Variants in AHDC1 observed in about 807,000 individuals in gnomAD.
AHDC1 encodes the protein transcription factor Gibbin.
A neutral mutation model predicts 87.9 loss-of-function variants in AHDC1; 7 were observed. The ratio of observed to expected loss-of-function variants is 0.08; its 90% confidence interval spans 0.05 to 0.15. The LOEUF (loss-of-function observed/expected upper bound fraction) is 0.15, where lower values mean the gene tolerates loss of function less well. AHDC1 is among the 10% of genes least tolerant of loss of function. The pLI is 1.00. For missense variants in AHDC1, 1,841 were observed against 2,253.2 expected (o/e 0.82, Z 3.70); for synonymous variants, 1,051 against 1,006.8 (o/e 1.04, Z -0.83).
chr1:27,601,602 T>G (rs966744717), intron 3 of AHDC1, among the ~76,000 whole-genome samples: 3 of 152,254 alleles, frequency 2.0e-5, no homozygotes, highest in Admixed American at 6.5e-5. Context: ...CTATCCAGTT[T>G]GATTTTCCAT....
In AHDC1 at chr1:27,546,115, G is replaced by A. The variant is rs112990470; in HGVS notation, c.*43+1146C>T. Among the ~76,000 whole-genome samples, 6 of 152,312 alleles carry A rather than the reference G, an allele frequency of 3.9e-5. 1 individual carries two copies. The highest frequency in any genetic ancestry group is 1.4e-4 in the African/African-American group (6 of 41,566). ...ACTCCTCCAGGAAGAGAAACTCCCA[G>A]GAAGCTTCAGTGGCAGCAGAGGTGA... is the stretch of plus-strand genomic sequence containing the variant. On this transcript the variant is annotated intron_variant, in intron 8 of 8. Coordinates refer to ENST00000673934, the MANE Select transcript of AHDC1 (RefSeq NM_001371928.1).
chr1:27,566,099 G>A (rs1417065083), intron 3 of AHDC1, among the ~76,000 whole-genome samples: 1 of 152,190 alleles, frequency 6.6e-6, no homozygotes, highest in Non-Finnish European at 1.5e-5. Flanking sequence ...AACCTGGTAG[G>A]AAATAGAGTA....
chr1:27,545,235 A>C (rs773724119), intron 8 of AHDC1, among the ~76,000 whole-genome samples: 1 of 151,932 alleles, frequency 6.6e-6, no homozygotes, highest in Non-Finnish European at 1.5e-5. Context: ...TCTAAATGGG[A>C]AGCCCCCTGA....
intron 3 of AHDC1, among the ~76,000 whole-genome samples, chr1:27,567,077 T>C (rs1342499443): frequency 3.3e-5 from 5 of 152,004 alleles, no homozygotes; most frequent in Non-Finnish European, 7.4e-5. Context: ...GGTGCACTGC[T>C]CTCCAGGCCG....
intron 3 of AHDC1, among the ~76,000 whole-genome samples, chr1:27,587,877 C>T (rs1306682754): frequency 2.6e-5 from 4 of 152,112 alleles, no homozygotes; most frequent in African/African-American, 4.8e-5. Context: ...GAACTGGAAC[C>T]CCACTGATCC....
intron 3 of AHDC1, among the ~76,000 whole-genome samples, chr1:27,575,603 C>T (rs1046544813): frequency 2.4e-4 from 37 of 151,542 alleles, no homozygotes; most frequent in Non-Finnish European, 3.5e-4. Flanking sequence ...CCATCATCCC[C>T]GCGCAGCGCG....
intron 3 of AHDC1, among the ~76,000 whole-genome samples, chr1:27,567,375 C>T (rs942446442): frequency 6.6e-6 from 1 of 151,954 alleles, no homozygotes; most frequent in East Asian, 1.9e-4. Context: ...ACAGCTGAAG[C>T]GGCCGTCGGG....
chr1:27,537,344 C>T, intron 8 of AHDC1, among the ~76,000 whole-genome samples: 1 of 152,168 alleles, frequency 6.6e-6, no homozygotes, highest in East Asian at 1.9e-4. Context: ...AAGCAGACCC[C>T]AAACCAGGGT....
chr1:27,578,766 G>A (rs935581482), intron 3 of AHDC1, among the ~76,000 whole-genome samples: 4 of 149,312 alleles, frequency 2.7e-5, no homozygotes, highest in Admixed American at 6.7e-5. Flanking sequence ...GCGCTATCTC[G>A]GCTCACTGCA....
rs1292179119 is a variant in AHDC1, at chr1:27,563,766, C to G, written c.-628-4883G>C. ...CCAGGAGGGGAGGTGCTGTGGCTTC[C>G]CGCCCAGTGGCGGGTGCTGGGGGAG... On this transcript the variant is annotated intron_variant, in intron 3 of 8. Transcript: ENST00000673934. The surrounding 1 kb of genome is among the most constrained non-coding windows in gnomAD (Gnocchi z 6.1). Among the ~76,000 whole-genome samples the G allele has an allele frequency of 6.6e-6, 1 of 152,150 alleles. No individual in the cohort carries two copies. Among genetic ancestry groups the G allele is most frequent in the Non-Finnish European group, 1.5e-5 (1 of 68,016 alleles).
intron 3 of AHDC1, among the ~76,000 whole-genome samples, chr1:27,566,684 G>A (rs538904215): frequency 3.3e-4 from 47 of 142,178 alleles, no homozygotes; most frequent in South Asian, 7.3e-4. Context: ...GGGGGGTGGA[G>A]GAGGAGGAGG....
chr1:27,547,570 TGTC>T lies in AHDC1; in HGVS notation c.4543_4545del (p.Asp1515del), dbSNP rs771199052. On this transcript the variant is annotated inframe_deletion, in exon 8 of 9. Transcript: ENST00000673934. The surrounding 1 kb of genome is among the most constrained non-coding windows in gnomAD (Gnocchi z 4.9). ...GGCCGGGCCATTTCCAGTGGCTCCTTGTCGGCCTTGGGCGTGGCTGGTGGGCTA... is the reference window on the plus strand; with the variant it reads ...GGCCGGGCCATTTCCAGTGGCTCCTTGGCCTTGGGCGTGGCTGGTGGGCTA... 5 of 1,610,068 alleles carry T rather than the reference TGTC, an allele frequency of 3.1e-6. No homozygotes were observed. Among genetic ancestry groups the T allele is most frequent in the Non-Finnish European group, 2.5e-6 (3 of 1,178,782 alleles).
Position 27,552,294 on chromosome 1 carries a change from C to T in AHDC1, c.-74-105G>A. On this transcript the variant is annotated intron_variant, in intron 7 of 8. Transcript: ENST00000673934. ...GGACCCCTCCCTCCTGAGGTCTCAT[C>T]TCCTTACCAAGCTCCCCTCCCCACC... is the stretch of plus-strand genomic sequence containing the variant. 5 of 1,133,722 alleles carry T rather than the reference C, an allele frequency of 4.4e-6. No individual in the cohort carries two copies. The East Asian group carries it at 1.5e-4, about 34-fold the overall frequency. The allele number at this position is 1,133,722 out of a possible 1,614,324, so 70.2% of individuals were successfully genotyped here.
intron 8 of AHDC1, among the ~76,000 whole-genome samples, chr1:27,538,899 G>A (rs2018778245): frequency 6.6e-6 from 1 of 152,126 alleles, no homozygotes; most frequent in Non-Finnish European, 1.5e-5. Flanking sequence ...AAGACAAAGG[G>A]TCACAGGCAA....
chr1:27,571,851 A>G (rs1443630245), intron 3 of AHDC1, among the ~76,000 whole-genome samples: 2 of 151,340 alleles, frequency 1.3e-5, no homozygotes, highest in Non-Finnish European at 2.9e-5. Flanking sequence ...GCAGACACAC[A>G]CTCCGCCTGT....
intron 5 of AHDC1, among the ~76,000 whole-genome samples, chr1:27,556,277 AGCTCTCACTTCCG>A (rs2148321096): frequency 8.6e-6 from 1 of 115,966 alleles, no homozygotes; most frequent in South Asian, 3.3e-4. Context: ...TGCCAGCCCC[AGCTCTCACTTCCG>A]GCCTCATGAC....
At chr1:27,585,687 C>T (rs1185047298) in intron 3 of AHDC1, among the ~76,000 whole-genome samples, 3 of 152,160 alleles carry the variant, frequency 2.0e-5, no homozygotes, top group Admixed American at 1.3e-4. Context: ...CCCCCTCCTC[C>T]TCCCCACATC....
chr1:27,585,519 A>G (rs1198602256), intron 3 of AHDC1, among the ~76,000 whole-genome samples: 1 of 152,234 alleles, frequency 6.6e-6, no homozygotes, highest in Admixed American at 6.5e-5. Flanking sequence ...TGTTAAATAA[A>G]TAAAAGTTGA....
At chr1:27,534,967 G>T (rs940942093) in intron 8 of AHDC1, 51 bp from the exon 9 acceptor site, 3 of 152,176 alleles carry the variant, frequency 2.0e-5, no homozygotes, top group African/African-American at 7.2e-5. Context: ...CGCATCGACT[G>T]TGCTCTGAGA....
Sources: gnomAD v4.1 joint callset for allele counts (sites outside exome capture counted in the v4.1 genomes callset) on GRCh38, gnomAD v4.1.1 for gene constraint, Gnocchi (gnomAD v3.1) non-coding constraint, MANE v1.5 for transcripts, NCBI Gene and HGNC (gene_info 2026-07-23, HGNC 2026-07-21) for gene names.